Variants in UBE3B observed in about 807,000 individuals in gnomAD.
UBE3B encodes the protein ubiquitin protein ligase E3B.
UBE3B carries 80 observed loss-of-function variants against 132.3 expected under a neutral mutation model. The ratio of observed to expected loss-of-function variants is 0.60; its 90% CI spans 0.50 to 0.73. UBE3B has a LOEUF of 0.73. Among genes scored for constraint, UBE3B ranks in the 30% least tolerant of loss-of-function variants. UBE3B has a pLI of 0.00. For missense variants in UBE3B, 1,196 were observed against 1,362.5 expected (o/e 0.88, Z 1.92); for synonymous variants, 487 against 520.4 (o/e 0.94, Z 0.87).
Position 109,534,187 on chromosome 12 carries a change from A to C in UBE3B, c.3016-404A>C. The C allele has an allele frequency of 8.1e-7, 1 of 1,235,690 alleles. No individual in the cohort carries two copies. The highest frequency in any genetic ancestry group is 1.0e-6 in the Non-Finnish European group (1 of 968,714). 76.5% of individuals were successfully genotyped at this position (1,235,690 alleles called of 1,614,324 possible). On this transcript the variant is annotated intron_variant, in intron 27 of 27. Transcript: ENST00000342494. The surrounding 1 kb of genome is among the most constrained non-coding windows in gnomAD (Gnocchi z 5.2). ...ACACAGTCCTCGGCCTCCATGCTTA[A>C]GGGAAAGTTGGCCCAAGTCATGGTC...
At chr12:109,496,411 T>C (rs1054437472) in intron 9 of UBE3B, among the ~76,000 whole-genome samples, 3 of 152,252 alleles carry the variant, frequency 2.0e-5, no homozygotes, top group African/African-American at 4.8e-5. Context: ...GGGAGTAGAC[T>C]TCCCTGGGTC....
Position 109,493,454 on chromosome 12 carries a change from A to G in UBE3B, c.713+2327A>G, listed in dbSNP as rs576502683. 5.9e-5 allele frequency among the ~76,000 whole-genome samples: 9 copies of G among 152,358 alleles called. No individual in the cohort carries two copies. The South Asian group carries it at 1.4e-3, about 25-fold the overall frequency. ...ATGATTCACCAACATGCTCACATCC[A>G]GTCATTCTACCACACTTAAATTCTC... is the stretch of plus-strand genomic sequence containing the variant. On this transcript the variant is annotated intron_variant, in intron 9 of 27. Transcript: ENST00000342494.
chr12:109,525,511 G>A (rs1395917292), intron 23 of UBE3B, among the ~76,000 whole-genome samples: 1 of 152,156 alleles, frequency 6.6e-6, no homozygotes, highest in African/African-American at 2.4e-5. Context: ...GACAGCAGTG[G>A]GACTGGGATC....
intron 24 of UBE3B, among the ~76,000 whole-genome samples, chr12:109,529,366 G>A (rs767564175): frequency 6.6e-6 from 1 of 152,160 alleles, no homozygotes; most frequent in Non-Finnish European, 1.5e-5. Context: ...GCCCAGCTGC[G>A]TGTTTAAAGC....
At chr12:109,527,630 C>T (rs1267493620) in intron 24 of UBE3B, among the ~76,000 whole-genome samples, 3 of 152,190 alleles carry the variant, frequency 2.0e-5, no homozygotes, top group South Asian at 2.1e-4. Context: ...TGAAATACAC[C>T]GGCCTTGCTC....
chr12:109,499,645 A>T lies in UBE3B; in HGVS notation c.953A>T (p.His318Leu), dbSNP rs1165886690. The change falls in exon 12 of 28, where the codon CAC becomes CTC. Residue 318 changes from histidine to leucine, a missense_variant. Physicochemically the swap from His to Leu is moderately conservative, Grantham distance 99. Transcript: ENST00000342494. ...TCTCTCTCTGTAGGCAACCTCCTAC[A>T]CTTGGGCTCCCTCAGCCCCAGAGTG... ...HTLCLMGNLL[H>L]LGSLSPRVLE... is the part of the protein sequence containing the mutation. 1 of 1,599,748 alleles carries T rather than the reference A, an allele frequency of 6.3e-7. No individual in the cohort carries two copies. Among genetic ancestry groups the T allele is most frequent in the Non-Finnish European group, 8.5e-7 (1 of 1,172,722 alleles).
intron 23 of UBE3B, among the ~76,000 whole-genome samples, chr12:109,525,128 C>T (rs928439335): frequency 1.3e-5 from 2 of 152,182 alleles, no homozygotes; most frequent in African/African-American, 4.8e-5. Context: ...CACCTCAGAA[C>T]CCCCAGTCTC....
At chr12:109,484,944 A>G (rs1876158745) in intron 4 of UBE3B, among the ~76,000 whole-genome samples, 2 of 151,682 alleles carry the variant, frequency 1.3e-5, no homozygotes, top group Admixed American at 1.3e-4. Flanking sequence ...TTTTGTAGAG[A>G]TAGGGTTTTA....
At chr12:109,497,671 A>G in intron 9 of UBE3B, 147 bp from the exon 10 acceptor site, 2 of 752,870 alleles carry the variant, frequency 2.7e-6, no homozygotes, top group Non-Finnish European at 4.4e-6. Flanking sequence ...CCATTTCCCC[A>G]GTGTATGTCC....
chr12:109,539,904 C>T (rs1236030797), downstream of UBE3B, among the ~76,000 whole-genome samples: 3 of 152,012 alleles, frequency 2.0e-5, no homozygotes, highest in Non-Finnish European at 2.9e-5. Flanking sequence ...TCATGCTTTT[C>T]TTACCGTGAC....
chr12:109,524,620 G>A (rs1882106376), intron 23 of UBE3B, 117 bp downstream of exon 23: 3 of 1,151,330 alleles, frequency 2.6e-6, no homozygotes. Flanking sequence ...CTGGTCCCTT[G>A]TCCTCCCCAC....
Position 109,530,626 on chromosome 12 carries a change from T to C in UBE3B, c.2890T>C (p.Phe964Leu). The part of the protein sequence containing the change: ...IWLWDILASD[F>L]TPDERAMFLK... ...GCTCTGGGATATTCTGGCCTCCGAC[T>C]TCACACCGGATGAGAGAGCTATGTT... The change falls in exon 26 of 28, where the codon TTC (phenylalanine) becomes CTC (leucine). Residue 964 changes from phenylalanine to leucine, a missense_variant. Coordinates refer to ENST00000342494, the MANE Select transcript of UBE3B (RefSeq NM_130466.4). The C allele has an allele frequency of 1.2e-6, 2 of 1,614,238 alleles. No homozygotes were observed. The highest frequency in any genetic ancestry group is 1.7e-6 in the Non-Finnish European group (2 of 1,180,044).
At chr12:109,489,727 A>G (rs1325761693) in intron 7 of UBE3B, among the ~76,000 whole-genome samples, 192 bp from the exon 8 acceptor site, 1 of 152,212 alleles carries the variant, frequency 6.6e-6, no homozygotes, top group Non-Finnish European at 1.5e-5. Flanking sequence ...AGCCAGGCCT[A>G]CCAGGAGAGA....
chr12:109,534,887 G>A lies in UBE3B; in HGVS notation c.*105G>A. ...GTGACCAACATGCCAGGTGACATTGGCCCCTAGACCCTCTCTATAGCCATG... is the reference window on the plus strand; with the variant it reads ...GTGACCAACATGCCAGGTGACATTGACCCCTAGACCCTCTCTATAGCCATG... On this transcript the variant is annotated 3_prime_UTR_variant, in exon 28 of 28. Transcript: ENST00000342494. This position sits in a 1 kb window ranked among gnomAD's most constrained non-coding sequence, Gnocchi z 5.2. 9.9e-7 allele frequency: 1 copy of A among 1,012,330 alleles called. No individual in the cohort carries two copies. Among genetic ancestry groups the A allele is most frequent in the South Asian group, 1.8e-5 (1 of 57,118 alleles). 62.7% of individuals were successfully genotyped at this position (1,012,330 alleles called of 1,614,324 possible). A position where few individuals can be genotyped will look rare whatever the true frequency, so the allele number is the denominator to read the frequency against.
intron 25 of UBE3B, among the ~76,000 whole-genome samples, 174 bp from the exon 26 acceptor site, chr12:109,530,373 T>C (rs1477181901): frequency 2.6e-5 from 4 of 152,200 alleles, no homozygotes; most frequent in Admixed American, 6.5e-5. Context: ...CCCACCCTTT[T>C]AGCTTCCCAG....
Position 109,485,298 on chromosome 12 carries a change from A to G in UBE3B, c.283-714A>G, listed in dbSNP as rs1876229174. ...CACATTGTGCCAACCCTCTCTAGGCACTGGGCCCTTGGGAGGAAACAGGAC... is the reference window on the plus strand; with the variant it reads ...CACATTGTGCCAACCCTCTCTAGGCGCTGGGCCCTTGGGAGGAAACAGGAC... On this transcript the variant is annotated intron_variant, in intron 4 of 27. Transcript: ENST00000342494. Among the ~76,000 whole-genome samples the G allele has an allele frequency of 2.0e-5, 3 of 152,178 alleles. 1 individual carries two copies. The highest frequency in any genetic ancestry group is 7.2e-5 in the African/African-American group (3 of 41,436).
At chr12:109,492,816 T>A (rs1877668721) in intron 9 of UBE3B, 1 of 152,012 alleles carries the variant, frequency 6.6e-6, no homozygotes, top group African/African-American at 2.4e-5. Flanking sequence ...ATATCCAAAA[T>A]GTTATTTTTA....
intron 15 of UBE3B, chr12:109,508,841 C>CA: frequency 1.3e-6 from 1 of 758,676 alleles, no homozygotes; most frequent in Non-Finnish European, 1.6e-6. Flanking sequence ...CATTTACTCA[C>CA]AAATGCTTAC....
rs547389458 is a variant in UBE3B at position 109,527,728 on chromosome 12, C to T, written c.2627+1312C>T. 4.2e-5 allele frequency among the ~76,000 whole-genome samples: 6 copies of T among 144,468 alleles called. No homozygotes were observed. In the South Asian group the frequency reaches 1.3e-3, roughly 31 times the overall value. The allele number at this position is 144,468 out of a possible 152,430, so 94.8% of individuals were successfully genotyped here. On this transcript the variant is annotated intron_variant, in intron 24 of 27. Coordinates refer to ENST00000342494, the MANE Select transcript of UBE3B (RefSeq NM_130466.4). ...CCTGCAAGAGTAGAGAGGGCCCAGC[C>T]AGGGCCAGAGAGAGAGCATGGTGAG...
Sources: gnomAD v4.1 joint callset for allele counts (sites outside exome capture counted in the v4.1 genomes callset) on GRCh38, gnomAD v4.1.1 for gene constraint, Gnocchi (gnomAD v3.1) non-coding constraint, MANE v1.5 for transcripts, NCBI Gene and HGNC (gene_info 2026-07-23, HGNC 2026-07-21) for gene names.